The following KHDRBS3 variants were observed in gnomAD, a reference collection of about 807,000 sequenced individuals.
KHDRBS3 encodes the protein KH RNA binding domain containing, signal transduction associated 3, also known as KH domain-containing, RNA-binding, signal transduction-associated protein 3.
KHDRBS3 carries 23 observed loss-of-function variants against 45.6 expected under a neutral mutation model. That is an observed-to-expected ratio of 0.50 (90% CI 0.36 to 0.72). KHDRBS3 has a LOEUF of 0.72. KHDRBS3 is among the 30% of genes least tolerant of loss of function. The pLI is 0.00. For synonymous variants in KHDRBS3, 162 were observed against 156.5 expected (o/e 1.04, Z -0.26); for missense variants, 352 against 424.8 (o/e 0.83, Z 1.51).
chr8:135,501,940 T>C (rs970001693), intron 1 of KHDRBS3, among the ~76,000 whole-genome samples: 1 of 152,236 alleles, frequency 6.6e-6, no homozygotes, highest in Non-Finnish European at 1.5e-5. Context: ...TTTGCACGCA[T>C]TATTGAAGCC....
At chr8:135,497,556 T>C (rs991058774) in intron 1 of KHDRBS3, among the ~76,000 whole-genome samples, 1 of 152,168 alleles carries the variant, frequency 6.6e-6, no homozygotes, top group African/African-American at 2.4e-5. Flanking sequence ...CAGAAAACTC[T>C]TCTCTTGGGC....
chr8:135,471,170 C>G (rs1821996959), intron 1 of KHDRBS3, among the ~76,000 whole-genome samples: 1 of 152,192 alleles, frequency 6.6e-6, no homozygotes. Flanking sequence ...TCTCACCTGT[C>G]TTAGGTAGGG....
intron 7 of KHDRBS3, among the ~76,000 whole-genome samples, chr8:135,617,002 C>T (rs1320954089): frequency 2.0e-5 from 3 of 151,784 alleles, no homozygotes; most frequent in African/African-American, 4.8e-5. Flanking sequence ...ACTATAAATC[C>T]ACAAAAGCTT....
chr8:135,556,168 C>T (rs1365496514), intron 4 of KHDRBS3, among the ~76,000 whole-genome samples: 1 of 152,154 alleles, frequency 6.6e-6, no homozygotes, highest in African/African-American at 2.4e-5. Flanking sequence ...CAAGTCTTTG[C>T]TGTTGTGAAT....
chr8:135,616,676 G>A (rs904268834), intron 7 of KHDRBS3, among the ~76,000 whole-genome samples: 1 of 152,054 alleles, frequency 6.6e-6, no homozygotes, highest in African/African-American at 2.4e-5. Context: ...AACATACCAG[G>A]GAAGCAGGTT....
At chr8:135,615,331 T>C (rs1285757744) in intron 7 of KHDRBS3, among the ~76,000 whole-genome samples, 9 of 151,884 alleles carry the variant, frequency 5.9e-5, no homozygotes, top group Admixed American at 5.9e-4. Flanking sequence ...TTATTATAGT[T>C]ATTATATATT....
At chr8:135,653,296 C>T (rs891853605) in intron 4 of KHDRBS3, among the ~76,000 whole-genome samples, 2 of 152,198 alleles carry the variant, frequency 1.3e-5, no homozygotes, top group African/African-American at 2.4e-5. Flanking sequence ...TCCTAGCACA[C>T]TGCCTGGCAC....
At chr8:135,604,319 A>G (rs574474750) in intron 6 of KHDRBS3, among the ~76,000 whole-genome samples, 2 of 147,392 alleles carry the variant, frequency 1.4e-5, no homozygotes, top group East Asian at 2.0e-4. Context: ...TGTTTGAACT[A>G]AAGTGTGTCT....
intron 1 of KHDRBS3, among the ~76,000 whole-genome samples, chr8:135,515,149 G>C (rs12545142): frequency 0.17 from 26,479 of 151,494 alleles, 2,493 homozygotes; most frequent in East Asian, 0.41. Flanking sequence ...GGCGGATCAC[G>C]AGGTCAGGAG....
chr8:135,529,146 A>C (rs1413885249), intron 2 of KHDRBS3, among the ~76,000 whole-genome samples: 1 of 152,238 alleles, frequency 6.6e-6, no homozygotes, highest in Non-Finnish European at 1.5e-5. Flanking sequence ...TGGTTGGCGC[A>C]TAATGGCCAT....
intron 7 of KHDRBS3, chr8:135,625,966 A>C: frequency 1.3e-6 from 1 of 789,710 alleles, no homozygotes; most frequent in South Asian, 1.4e-5. Flanking sequence ...GACGTTGAGT[A>C]TACGTTCACT....
At chr8:135,541,716 A>G (rs1022380574) in intron 2 of KHDRBS3, 8 of 152,178 alleles carry the variant, frequency 5.3e-5, no homozygotes, top group Admixed American at 1.3e-4. Context: ...CTGATTTTCT[A>G]TTTGGTAGCA....
At position 135,631,846 on chromosome 8, in the gene KHDRBS3, G is replaced by A. The variant is rs751554175; in HGVS notation, c.891-13213G>A. Among the ~76,000 whole-genome samples, 17 of 152,236 alleles carry A rather than the reference G, an allele frequency of 1.1e-4. 1 individual carries two copies. The highest frequency in any genetic ancestry group is 2.1e-4 in the South Asian group (1 of 4,818). ...ATTTTATTTTCTAGTATGATGTACC[G>A]TACATAATTGTATGTGCTAGACTTT... On this transcript the variant is annotated intron_variant, in intron 7 of 8. Coordinates refer to ENST00000355849, the MANE Select transcript of KHDRBS3 (RefSeq NM_006558.3).
At chr8:135,549,065 A>T in intron 4 of KHDRBS3, 165 bp downstream of exon 4, 1 of 421,146 alleles carries the variant, frequency 2.4e-6, no homozygotes, top group Non-Finnish European at 4.1e-6. Context: ...ATTACTGGGC[A>T]TTATTCCTTA....
intron 5 of KHDRBS3, among the ~76,000 whole-genome samples, chr8:135,569,375 A>C (rs113470227): frequency 2.6e-5 from 4 of 152,172 alleles, no homozygotes; most frequent in Non-Finnish European, 5.9e-5. Context: ...ATTGGCTGCT[A>C]TAAAATTACT....
chr8:135,568,255 A>G (rs1051324425), intron 5 of KHDRBS3, among the ~76,000 whole-genome samples: 1 of 152,196 alleles, frequency 6.6e-6, no homozygotes, highest in African/African-American at 2.4e-5. Flanking sequence ...TACAATAAAA[A>G]CTATAAGCAT....
intron 6 of KHDRBS3, among the ~76,000 whole-genome samples, chr8:135,586,726 A>G (rs1828493711): frequency 6.6e-6 from 1 of 152,208 alleles, no homozygotes; most frequent in South Asian, 2.1e-4. Context: ...ATCCAGTGAT[A>G]AAGGTTTGAT....
At chr8:135,493,360 A>G (rs1823255014) in intron 1 of KHDRBS3, among the ~76,000 whole-genome samples, 1 of 152,042 alleles carries the variant, frequency 6.6e-6, no homozygotes, top group Non-Finnish European at 1.5e-5. Context: ...AAAAGAGGAC[A>G]TTCTTTCTTT....
chr8:135,503,413 C>T (rs1357880486), intron 1 of KHDRBS3, among the ~76,000 whole-genome samples: 2 of 152,082 alleles, frequency 1.3e-5, no homozygotes, highest in Non-Finnish European at 2.9e-5. Context: ...AACTCTGTAG[C>T]CTTGGTTTAG....
Sources: gnomAD v4.1 joint callset for allele counts (sites outside exome capture counted in the v4.1 genomes callset) on GRCh38, gnomAD v4.1.1 for gene constraint, MANE v1.5 for transcripts, NCBI Gene and HGNC (gene_info 2026-07-23, HGNC 2026-07-21) for gene names.